The following CNGB1 variants were observed in gnomAD, a reference collection of about 807,000 sequenced individuals.
The protein encoded by CNGB1 is cyclic nucleotide gated channel subunit beta 1.
In CNGB1, 126 loss-of-function variants were observed where a neutral mutation model predicts 151.7. The ratio of observed to expected loss-of-function variants is 0.83; its 90% confidence interval spans 0.72 to 0.96. The LOEUF is 0.96. Ranked by LOEUF, CNGB1 falls within the 40% of genes least tolerant of loss-of-function variation. The pLI, the probability that CNGB1 is intolerant of heterozygous loss-of-function variation, is 0.00. For synonymous variants in CNGB1, 623 were observed against 635.1 expected (o/e 0.98, Z 0.29); for missense variants, 1,698 against 1,627.0 (o/e 1.04, Z -0.75).
chr16:57,890,801 C>G (rs1364441523), intron 31 of CNGB1, among the ~76,000 whole-genome samples: 4 of 152,228 alleles, frequency 2.6e-5, no homozygotes, highest in Non-Finnish European at 4.4e-5. Context: ...GACAGTGTAT[C>G]TCCCCTGATG....
intron 10 of CNGB1, among the ~76,000 whole-genome samples, chr16:57,959,431 T>C (rs1010033459): frequency 2.1e-4 from 32 of 152,032 alleles, no homozygotes; most frequent in African/African-American, 7.2e-4. Context: ...GTGGCCAACA[T>C]GGCGAAACCC....
intron 16 of CNGB1, among the ~76,000 whole-genome samples, chr16:57,932,586 T>C (rs1198892533): frequency 1.3e-5 from 2 of 151,002 alleles, no homozygotes; most frequent in Admixed American, 1.3e-4. Flanking sequence ...TTTTGTTTTG[T>C]TTTGTTTTTT....
At chr16:57,926,414 C>T (rs574054496) in intron 17 of CNGB1, among the ~76,000 whole-genome samples, 2 of 152,318 alleles carry the variant, frequency 1.3e-5, no homozygotes, top group African/African-American at 4.8e-5. Flanking sequence ...TCCCCAGCCT[C>T]ATCATCTTGA....
At chr16:57,942,338 A>T (rs1961690411) in intron 14 of CNGB1, among the ~76,000 whole-genome samples, 1 of 152,188 alleles carries the variant, frequency 6.6e-6, no homozygotes, top group Admixed American at 6.5e-5. Context: ...AACCCTAAAG[A>T]TTCCACCAAA....
In CNGB1 at chr16:57,911,764, G is replaced by A. The variant is rs77399988; in HGVS notation, c.2481C>T (p.Gly827=). 17,975 of 1,613,898 alleles carry A rather than the reference G, an allele frequency of 0.011. 374 individuals carry two copies. Among genetic ancestry groups the A allele is most frequent in the East Asian group, 0.065 (2,935 of 44,856 alleles). Residue 827 remains glycine (G), a synonymous_variant, in exon 25 of 33, where the codon GGC becomes GGT. Coordinates refer to ENST00000251102, the MANE Select transcript of CNGB1 (RefSeq NM_001297.5). The stretch of plus-strand genomic sequence containing the variant: ...GGACTGTGGCTCACCTGTTTCCCAC[G>A]CCATCGTAAACCCAGTGAGTGGAGC... ...GLGSTHWVYD[G]VGNSYIRCYY...
chr16:57,924,311 C>T (rs1433052917), intron 17 of CNGB1, among the ~76,000 whole-genome samples: 16 of 152,006 alleles, frequency 1.1e-4, no homozygotes, highest in Non-Finnish European at 2.2e-4. Context: ...CTTAATACCA[C>T]CAAGAAACCA....
intron 32 of CNGB1, among the ~76,000 whole-genome samples, chr16:57,884,692 G>T (rs566491938): frequency 6.6e-6 from 1 of 152,120 alleles, no homozygotes; most frequent in Non-Finnish European, 1.5e-5. Flanking sequence ...GGAAAGTCTT[G>T]GGATGTCTTA....
chr16:57,921,639 A>C (rs1187577092), intron 18 of CNGB1, among the ~76,000 whole-genome samples: 1 of 152,128 alleles, frequency 6.6e-6, no homozygotes, highest in Non-Finnish European at 1.5e-5. Flanking sequence ...CCAGCCAGGG[A>C]TCACGTGCCA....
At chr16:57,893,514 C>T (rs1345950785) in intron 31 of CNGB1, among the ~76,000 whole-genome samples, 1 of 152,030 alleles carries the variant, frequency 6.6e-6, no homozygotes, top group Non-Finnish European at 1.5e-5. Context: ...TTCACAGCAG[C>T]AGGCCAGGCA....
In CNGB1 at chr16:57,916,138, G is replaced by A. The variant is rs1184883192; in HGVS notation, c.2208C>T (p.Arg736=). 4 of 1,613,944 alleles carry A rather than the reference G, an allele frequency of 2.5e-6. No individual in the cohort carries two copies. The highest frequency in any genetic ancestry group is 3.4e-6 in the Non-Finnish European group (4 of 1,179,966). The change falls in exon 22 of 33, where the codon CGC becomes CGT. Residue 736 remains arginine, a synonymous_variant. Coordinates refer to ENST00000251102, the MANE Select transcript of CNGB1 (RefSeq NM_001297.5). ...CATGCCCGGCACACACCTTGAAGCGGCGAGACTTCAGGTAGTTATTTCGCA... is the reference window on the plus strand; with the variant it reads ...CATGCCCGGCACACACCTTGAAGCGACGAGACTTCAGGTAGTTATTTCGCA... ...KDMRNNYLKS[R]RFKMDLLSLL... is the part of the protein sequence containing the mutation.
intron 29 of CNGB1, 21 bp downstream of exon 29, chr16:57,901,331 G>A (rs1345899342): frequency 6.2e-7 from 1 of 1,612,768 alleles, no homozygotes; most frequent in African/African-American, 1.3e-5. Flanking sequence ...AGATCCCGTG[G>A]TGGCTGCCAG....
chr16:57,950,886 T>G (rs976188011), intron 12 of CNGB1, among the ~76,000 whole-genome samples: 31 of 152,310 alleles, frequency 2.0e-4, no homozygotes, highest in South Asian at 2.1e-4. Context: ...ATCACAGGGA[T>G]GCCAAAAGGC....
chr16:57,920,319 T>C, intron 19 of CNGB1, 68 bp downstream of exon 19: 2 of 1,582,908 alleles, frequency 1.3e-6, no homozygotes, highest in Non-Finnish European at 1.7e-6. Flanking sequence ...TTGCCATGAG[T>C]TGACAGGGAA....
chr16:57,907,079 C>G (rs1430886943), intron 25 of CNGB1, among the ~76,000 whole-genome samples: 1 of 152,206 alleles, frequency 6.6e-6, no homozygotes, highest in Non-Finnish European at 1.5e-5. Context: ...GTTGGGGTTC[C>G]CTGCAGGACG....
intron 21 of CNGB1, 42 bp downstream of exon 21, chr16:57,917,226 G>A: frequency 6.4e-7 from 1 of 1,559,962 alleles, no homozygotes; most frequent in East Asian, 2.3e-5. Flanking sequence ...TGGCTGAGCG[G>A]TCTGCCCCCG....
At chr16:57,960,809 C>T in intron 8 of CNGB1, 31 bp downstream of exon 8, 1 of 1,608,532 alleles carries the variant, frequency 6.2e-7, no homozygotes. Flanking sequence ...CCCATATACT[C>T]AACTCCCTGC....
chr16:57,964,632 C>A, intron 2 of CNGB1, 88 bp from the exon 3 acceptor site: 1 of 1,326,662 alleles, frequency 7.5e-7, no homozygotes, highest in South Asian at 1.2e-5. Flanking sequence ...CAAGGGATCC[C>A]TGCCCCACAA....
chr16:57,963,364 A>G (rs1395077506), intron 4 of CNGB1, among the ~76,000 whole-genome samples: 1 of 152,194 alleles, frequency 6.6e-6, no homozygotes, highest in African/African-American at 2.4e-5. Context: ...TCATGAGGCC[A>G]GGCAGACCGG....
intron 2 of CNGB1, 39 bp downstream of exon 2, chr16:57,967,089 G>A: frequency 1.2e-6 from 2 of 1,613,692 alleles, no homozygotes; most frequent in African/African-American, 1.3e-5. Context: ...ACCCTGAGCA[G>A]CGAGGCCGGC....
Sources: allele counts gnomAD v4.1 joint callset (sites outside exome capture counted in the v4.1 genomes callset), GRCh38; gene constraint gnomAD v4.1.1; transcripts MANE v1.5; gene names NCBI Gene and HGNC (gene_info 2026-07-23, HGNC 2026-07-21).